ATAD2B: variants seen among roughly 807,000 people sequenced by gnomAD.
The protein encoded by ATAD2B is ATPase family AAA domain containing 2B.
ATAD2B carries 40 observed loss-of-function variants against 167.6 expected under a neutral mutation model. The observed-to-expected ratio is 0.24, with a 90% CI of 0.19 to 0.31. The LOEUF (loss-of-function observed/expected upper bound fraction) is 0.31, where lower values mean the gene tolerates loss of function less well. ATAD2B is among the 10% of genes least tolerant of loss of function. The pLI is 1.00. For synonymous variants in ATAD2B, 579 were observed against 596.5 expected, an observed-to-expected ratio of 0.97 and a Z score of 0.43; for missense variants, 1,242 against 1,757.2, an observed-to-expected ratio of 0.71 and a Z score of 5.24.
the ATAD2B span, among the ~76,000 whole-genome samples, chr2:23,730,664 T>TCAAAAAAAAAAAAAAAAAA: frequency 3.9e-4 from 2 of 5,124 alleles, 1 homozygote. Flanking sequence ...AGACTCCGTT[T>TCAAAAAAAAAAAAAAAAAA]CAAAAAAAAA....
chr2:23,803,365 ATGT>A (rs1683815053), intron 18 of ATAD2B, among the ~76,000 whole-genome samples: 1 of 152,226 alleles, frequency 6.6e-6, no homozygotes, highest in East Asian at 1.9e-4. Flanking sequence ...TCAGTAATAA[ATGT>A]TGGACTAATG....
At chr2:23,916,073 T>TA (rs142006221) in intron 1 of ATAD2B, among the ~76,000 whole-genome samples, 3,981 of 152,308 alleles carry the variant, frequency 0.026, 177 homozygotes, top group African/African-American at 0.091. Context: ...TACCTTCTGT[T>TA]ACAATCTCAA....
chr2:23,746,619 G>A (rs2149280628), downstream of ATAD2B, among the ~76,000 whole-genome samples: 1 of 152,176 alleles, frequency 6.6e-6, no homozygotes, highest in South Asian at 2.1e-4. Context: ...TAAGATAACA[G>A]GAATGGAGAA....
rs2149808447 is a variant in ATAD2B at position 23,841,330 on chromosome 2, T to C, written c.1569-7252A>G. 2.6e-5 allele frequency among the ~76,000 whole-genome samples: 4 copies of C among 152,280 alleles called. 1 individual carries two copies. In the South Asian group the frequency reaches 8.3e-4, roughly 32 times the overall value. Reference sequence around the variant, plus strand: ...GTAATGCTTTCTGACTTATGGTTTATTTTGTCTAAAATTAATGTAGCAATA... The same window carrying C: ...GTAATGCTTTCTGACTTATGGTTTACTTTGTCTAAAATTAATGTAGCAATA... On this transcript the variant is annotated intron_variant, in intron 13 of 27. Transcript: ENST00000238789.
At chr2:23,810,254 A>C (rs1194845337) in intron 18 of ATAD2B, 62 bp downstream of exon 18, 1 of 1,440,584 alleles carries the variant, frequency 6.9e-7, no homozygotes, top group Non-Finnish European at 9.6e-7. Flanking sequence ...TACACACTAG[A>C]AATACTACCA....
intron 23 of ATAD2B, 94 bp from the exon 24 acceptor site, chr2:23,762,440 T>A: frequency 1.5e-6 from 2 of 1,319,108 alleles, no homozygotes; most frequent in Non-Finnish European, 2.0e-6. Flanking sequence ...AACTGAGTTT[T>A]AAAGTCATTA....
At chr2:23,841,119 T>TTTTAA (rs1690829792) in intron 13 of ATAD2B, among the ~76,000 whole-genome samples, 1 of 149,546 alleles carries the variant, frequency 6.7e-6, no homozygotes, top group Non-Finnish European at 1.5e-5. Context: ...TTTTTTTTTT[T>TTTTAA]GTACAGATGG....
intron 13 of ATAD2B, among the ~76,000 whole-genome samples, chr2:23,856,959 G>T (rs551235416): frequency 6.6e-6 from 1 of 151,032 alleles, no homozygotes; most frequent in African/African-American, 2.4e-5. Context: ...CTGTAATCTC[G>T]GCACTTTGGG....
In ATAD2B at chr2:23,749,739, A is replaced by G. The variant is rs1374380838; in HGVS notation, c.*2307T>C. The G allele has an allele frequency of 6.6e-6, 1 of 152,150 alleles. No individual in the cohort carries two copies. Among genetic ancestry groups the G allele is most frequent in the Non-Finnish European group, 1.5e-5 (1 of 68,012 alleles). The allele number at this position is 152,150 out of a possible 1,614,324, so 9.4% of individuals were successfully genotyped here. ...TTAAAAAAACAAACAAACAAAAGCA[A>G]CTTGATCTTTTGGAAGCATTTTAAT... is the stretch of plus-strand genomic sequence containing the variant. On this transcript the variant is annotated 3_prime_UTR_variant, in exon 28 of 28. Coordinates refer to ENST00000238789, the MANE Select transcript of ATAD2B (RefSeq NM_017552.4).
At chr2:23,925,228 A>G (rs181982595) in intron 1 of ATAD2B, among the ~76,000 whole-genome samples, 3 of 152,306 alleles carry the variant, frequency 2.0e-5, no homozygotes, top group Admixed American at 6.5e-5. Context: ...CCTTATTTCA[A>G]CCTAAGAGAG....
chr2:23,766,849 T>C (rs1030615664), intron 22 of ATAD2B, among the ~76,000 whole-genome samples: 1 of 151,356 alleles, frequency 6.6e-6, no homozygotes, highest in Admixed American at 6.6e-5. Flanking sequence ...GGAAGAAGAC[T>C]CTCTGAAGAA....
At chr2:23,696,169 G>A in the ATAD2B span, 1 of 1,538,184 alleles carries the variant, frequency 6.5e-7, no homozygotes, top group South Asian at 1.2e-5. This position sits in a 1 kb window ranked among gnomAD's most constrained non-coding sequence, Gnocchi z 5.5. Context: ...GACCAGGCAT[G>A]GGGGTCCCAA....
At chr2:23,743,189 A>C in the ATAD2B span, among the ~76,000 whole-genome samples, 1 of 152,034 alleles carries the variant, frequency 6.6e-6, no homozygotes. Context: ...ACACCAATGC[A>C]AAATTGGAAA....
In ATAD2B at chr2:23,899,832, G is replaced by A. The variant is rs544311697; in HGVS notation, c.217-3862C>T. On this transcript the variant is annotated intron_variant, in intron 1 of 27. Transcript: ENST00000238789. ...TCTTGAACTCCCAAACTTGTGATCC[G>A]CCTGCCTCAGCCTCCCAAAGCACTG... Among the ~76,000 whole-genome samples the A allele has an allele frequency of 3.3e-5, 5 of 150,642 alleles. No homozygotes were observed. The South Asian group carries it at 6.3e-4, about 19-fold the overall frequency.
chr2:23,912,943 C>T lies in ATAD2B; in HGVS notation c.216+13612G>A, dbSNP rs185981345. Among the ~76,000 whole-genome samples the T allele has an allele frequency of 1.6e-3, 251 of 152,232 alleles. 1 individual carries two copies. The highest frequency in any genetic ancestry group is 5.8e-3 in the African/African-American group (239 of 41,532). Reference sequence around the variant, plus strand: ...ACCAGGAGACACAGGTTGCAGTGAGCCGAGATGGAGCCACTGCACTCTAGC... The same window carrying T: ...ACCAGGAGACACAGGTTGCAGTGAGTCGAGATGGAGCCACTGCACTCTAGC... On this transcript the variant is annotated intron_variant, in intron 1 of 27. Transcript: ENST00000238789.
intron 2 of ATAD2B, among the ~76,000 whole-genome samples, chr2:23,888,844 A>AT (rs1699061241): frequency 6.6e-6 from 1 of 152,214 alleles, no homozygotes; most frequent in African/African-American, 2.4e-5. Flanking sequence ...TCTTCAAAGT[A>AT]TTTTATTACA....
intron 24 of ATAD2B, among the ~76,000 whole-genome samples, chr2:23,760,985 CAT>C (rs1263204961): frequency 3.9e-5 from 6 of 152,128 alleles, no homozygotes; most frequent in African/African-American, 1.2e-4. Flanking sequence ...AAACAAAACT[CAT>C]ATTTGTAGAT....
At chr2:23,818,153 A>C (rs62125872) in intron 17 of ATAD2B, among the ~76,000 whole-genome samples, 2 of 99,780 alleles carry the variant, frequency 2.0e-5, no homozygotes, top group East Asian at 3.1e-4. Context: ...GAGAGAGAGA[A>C]GGAGGGAGGG....
chr2:23,830,488 A>G (rs1163947232), intron 14 of ATAD2B, among the ~76,000 whole-genome samples: 1 of 152,196 alleles, frequency 6.6e-6, no homozygotes, highest in African/African-American at 2.4e-5. Flanking sequence ...ATTATAACCA[A>G]GATGATAACA....
Sources: gnomAD v4.1 joint callset for allele counts (sites outside exome capture counted in the v4.1 genomes callset) on GRCh38, gnomAD v4.1.1 for gene constraint, Gnocchi (gnomAD v3.1) non-coding constraint, MANE v1.5 for transcripts, NCBI Gene and HGNC (gene_info 2026-07-23, HGNC 2026-07-21) for gene names.